Variants in MNS1 observed in about 807,000 individuals in gnomAD.
MNS1 encodes meiosis specific nuclear structural 1.
A neutral mutation model predicts 72.0 loss-of-function variants in MNS1; 63 were observed. That is an observed-to-expected ratio of 0.87 (90% CI 0.71 to 1.08). The LOEUF is 1.08. Among genes scored for constraint, MNS1 ranks in the 50% least tolerant of loss-of-function variants. MNS1 has a pLI of 0.00. For synonymous variants in MNS1, 188 were observed against 172.1 expected, an observed-to-expected ratio of 1.09 and a Z score of -0.72; for missense variants, 604 against 562.4, an observed-to-expected ratio of 1.07 and a Z score of -0.75.
At chr15:56,431,083 G>A (rs1377878741) in intron 9 of MNS1, among the ~76,000 whole-genome samples, 4 of 152,176 alleles carry the variant, frequency 2.6e-5, no homozygotes, top group African/African-American at 9.7e-5. Flanking sequence ...ATCACCGGGA[G>A]GCAGAGGTTG....
intron 8 of MNS1, among the ~76,000 whole-genome samples, chr15:56,433,530 G>A (rs920350935): frequency 5.9e-5 from 9 of 152,012 alleles, no homozygotes; most frequent in Admixed American, 2.0e-4. Flanking sequence ...CATCAATTCC[G>A]TATCCTTAAC....
intron 8 of MNS1, among the ~76,000 whole-genome samples, chr15:56,432,044 T>C (rs1487440501): frequency 1.3e-5 from 2 of 152,210 alleles, no homozygotes; most frequent in African/African-American, 4.8e-5. Context: ...AGTAATCTAC[T>C]AAGCCACTGT....
intron 7 of MNS1, among the ~76,000 whole-genome samples, chr15:56,441,327 G>C (rs544425490): frequency 3.9e-4 from 60 of 152,016 alleles, no homozygotes; most frequent in Middle Eastern, 6.8e-3. Context: ...CTCGGTGAAG[G>C]TTCCATGTTT....
Position 56,443,697 on chromosome 15 carries a change from C to G in MNS1, c.844G>C (p.Glu282Gln), listed in dbSNP as rs1410058640. ...TCTTGAACTTTTGCCATCCGATCTT[C>G]TTCTCTTTGCTGCTGCATGTTAGCA... ...EFANMQQQRE[E>Q]DRMAKVQENE... Residue 282 changes from glutamate (E) to glutamine (Q), a missense_variant, in exon 6 of 10, where the codon GAA (glutamate) becomes CAA (glutamine). Physicochemically the swap from Glu to Gln is conservative, Grantham distance 29. Transcript: ENST00000260453. 1.2e-6 allele frequency: 2 copies of G among 1,613,398 alleles called. No individual in the cohort carries two copies. Among genetic ancestry groups the G allele is most frequent in the Non-Finnish European group, 1.7e-6 (2 of 1,179,740 alleles).
At chr15:56,437,455 G>C (rs909297841) in intron 7 of MNS1, among the ~76,000 whole-genome samples, 2 of 152,110 alleles carry the variant, frequency 1.3e-5, no homozygotes, top group Non-Finnish European at 2.9e-5. Context: ...AGGTGTTGAT[G>C]GGACATATCT....
intron 4 of MNS1, among the ~76,000 whole-genome samples, chr15:56,445,397 C>G (rs1423230020): frequency 2.0e-5 from 3 of 151,948 alleles, no homozygotes; most frequent in African/African-American, 7.2e-5. Context: ...ATTTTTTAAA[C>G]TACGCTTTAC....
intron 3 of MNS1, among the ~76,000 whole-genome samples, chr15:56,448,965 G>A (rs1457465416): frequency 6.6e-6 from 1 of 152,012 alleles, no homozygotes; most frequent in African/African-American, 2.4e-5. Flanking sequence ...ATGTTGGCTA[G>A]GCTGGTTTCA....
intron 2 of MNS1, among the ~76,000 whole-genome samples, chr15:56,463,574 G>A (rs1438092435): frequency 6.6e-6 from 1 of 152,104 alleles, no homozygotes; most frequent in Non-Finnish European, 1.5e-5. Context: ...ACGAGGTTAG[G>A]AGTTCGAGAT....
chr15:56,449,919 G>A (rs2050936420), intron 3 of MNS1, among the ~76,000 whole-genome samples: 1 of 152,092 alleles, frequency 6.6e-6, no homozygotes, highest in African/African-American at 2.4e-5. Flanking sequence ...TCCAAAAACT[G>A]GTTATTTGTG....
At position 56,428,853 on chromosome 15, in the gene MNS1, G is replaced by T; in HGVS notation, c.*248C>A. On this transcript the variant is annotated 3_prime_UTR_variant, in exon 10 of 10. Coordinates refer to ENST00000260453, the MANE Select transcript of MNS1 (RefSeq NM_018365.4). ...GTCAAGGTAAATATACTGTCTTGAG[G>T]ATGGGGATGCAAACAGTGCTCTGTA... 4.7e-6 allele frequency: 2 copies of T among 427,658 alleles called. No individual in the cohort carries two copies. Among genetic ancestry groups the T allele is most frequent in the South Asian group, 7.7e-5 (2 of 26,018 alleles). 26.5% of individuals were successfully genotyped at this position (427,658 alleles called of 1,614,324 possible).
intron 9 of MNS1, among the ~76,000 whole-genome samples, 155 bp downstream of exon 9, chr15:56,431,218 C>T (rs528431090): frequency 1.7e-4 from 26 of 152,096 alleles, no homozygotes; most frequent in Non-Finnish European, 2.8e-4. Context: ...CTGAAATGGG[C>T]CCAGAGAGGT....
In MNS1 at chr15:56,429,061, A is replaced by G. The variant is rs540305965; in HGVS notation, c.*40T>C. On this transcript the variant is annotated 3_prime_UTR_variant, in exon 10 of 10. Coordinates refer to ENST00000260453, the MANE Select transcript of MNS1 (RefSeq NM_018365.4). ...AAAAGTTATGCTGACATCTAGTGGT[A>G]ACATGCAAAAAATCTATGCTTTACC... 522 of 1,311,540 alleles carry G rather than the reference A, an allele frequency of 4.0e-4. 11 individuals are homozygous for G. The South Asian group carries it at 6.5e-3, about 16-fold the overall frequency. 81.2% of individuals were successfully genotyped at this position (1,311,540 alleles called of 1,614,324 possible).
At chr15:56,463,875 G>A (rs773899055) in intron 2 of MNS1, 151 bp downstream of exon 2, 24 of 636,610 alleles carry the variant, frequency 3.8e-5, no homozygotes, top group Non-Finnish European at 5.1e-5. Context: ...CAGAAACCCA[G>A]GTCTTTACGA....
At chr15:56,433,373 C>T (rs2050651460) in intron 8 of MNS1, among the ~76,000 whole-genome samples, 1 of 151,758 alleles carries the variant, frequency 6.6e-6, no homozygotes, top group South Asian at 2.1e-4. Context: ...CACATGTATA[C>T]CTGTGTAACA....
rs182558983 is a variant in MNS1 at position 56,431,489 on chromosome 15, G to T, written c.1279C>A (p.Leu427Ile). The T allele has an allele frequency of 1.2e-6, 2 of 1,613,564 alleles. No individual in the cohort carries two copies. The highest frequency in any genetic ancestry group is 3.3e-5 in the Admixed American group (2 of 59,938). The change falls in exon 9 of 10, where the codon CTA (leucine) becomes ATA (isoleucine). Residue 427 changes from leucine to isoleucine, a missense_variant. Coordinates refer to ENST00000260453, the MANE Select transcript of MNS1 (RefSeq NM_018365.4). Reference protein sequence around the residue: ...QQFLADKQRELEEWQLQQRRQ... With the variant: ...QQFLADKQREIEEWQLQQRRQ... ...CTTTGCTGCAACTGCCACTCTTCTAGTTCACGTTGCTGGAAATGCAGATCA... is the reference window on the plus strand; with the variant it reads ...CTTTGCTGCAACTGCCACTCTTCTATTTCACGTTGCTGGAAATGCAGATCA...
chr15:56,461,975 GTTTTTTTTTTTTTTT>G (rs56022687), intron 2 of MNS1, among the ~76,000 whole-genome samples: 5 of 97,906 alleles, frequency 5.1e-5, no homozygotes, highest in African/African-American at 7.7e-5. Context: ...TTTTGTTGTT[GTTTTTTTTTTTTTTT>G]TTTTTTTTTT....
Position 56,441,444 on chromosome 15 carries a change from G to A in MNS1, c.1011+1986C>T, listed in dbSNP as rs2050812902. On this transcript the variant is annotated intron_variant, in intron 7 of 9. Coordinates refer to ENST00000260453, the MANE Select transcript of MNS1 (RefSeq NM_018365.4). Reference sequence around the variant, plus strand: ...GATATCCTGCGGTTCTGACTACCTAGTCTATAGATTAATGAGAACTGTGCA... The same window carrying A: ...GATATCCTGCGGTTCTGACTACCTAATCTATAGATTAATGAGAACTGTGCA... Among the ~76,000 whole-genome samples, 3 of 152,044 alleles carry A rather than the reference G, an allele frequency of 2.0e-5. No homozygotes were observed. The South Asian group carries it at 6.2e-4, about 32-fold the overall frequency.
chr15:56,441,327 G>T (rs544425490), intron 7 of MNS1, among the ~76,000 whole-genome samples: 22 of 151,898 alleles, frequency 1.4e-4, no homozygotes, highest in Admixed American at 1.1e-3. Context: ...CTCGGTGAAG[G>T]TTCCATGTTT....
chr15:56,442,946 T>TGC (rs2050844449), intron 7 of MNS1, among the ~76,000 whole-genome samples: 1 of 152,170 alleles, frequency 6.6e-6, no homozygotes, highest in Non-Finnish European at 1.5e-5. Context: ...ATTGTGGATT[T>TGC]GCCTCTTTCT....
Sources: gnomAD v4.1 joint callset for allele counts (sites outside exome capture counted in the v4.1 genomes callset) on GRCh38, gnomAD v4.1.1 for gene constraint, MANE v1.5 for transcripts, NCBI Gene and HGNC (gene_info 2026-07-23, HGNC 2026-07-21) for gene names.